PCDH15: variants seen among roughly 807,000 people sequenced by gnomAD.
The protein encoded by PCDH15 is protocadherin-15.
A neutral mutation model predicts 178.5 loss-of-function variants in PCDH15; 129 were observed. The ratio of observed to expected loss-of-function variants is 0.72; its 90% confidence interval spans 0.63 to 0.84. The LOEUF (loss-of-function observed/expected upper bound fraction) is 0.84. Among genes scored for constraint, PCDH15 ranks in the 40% least tolerant of loss-of-function variants. PCDH15 has a pLI of 0.00. For missense variants in PCDH15, 2,230 were observed against 2,099.9 expected (o/e 1.06, Z -1.21); for synonymous variants, 800 against 732.0 (o/e 1.09, Z -1.50).
chr10:55,224,220 C>CA (rs55856467), intron 1 of PCDH15, among the ~76,000 whole-genome samples: 4 of 151,854 alleles, frequency 2.6e-5, no homozygotes, highest in African/African-American at 7.3e-5. Context: ...AAAAACAAAA[C>CA]AAAAAAACAA....
At chr10:54,748,256 T>C (rs900494342) in intron 1 of PCDH15, among the ~76,000 whole-genome samples, 2 of 152,200 alleles carry the variant, frequency 1.3e-5, no homozygotes, top group African/African-American at 4.8e-5. Context: ...TGATAATTAA[T>C]GTTGAAACAC....
Position 55,554,984 on chromosome 10 carries a change from G to A in PCDH15, c.-156+72641C>T, listed in dbSNP as rs568435543. The stretch of plus-strand genomic sequence containing the variant: ...CCCTGAAAAGGGTTTATGGGTTTGG[G>A]AAAGTCTAGAAAAGTTAATTAGAAG... On this transcript the variant is annotated intron_variant, in intron 2 of 5. Coordinates refer to the PCDH15 transcript ENST00000613346. Among the ~76,000 whole-genome samples the A allele has an allele frequency of 5.8e-3, 881 of 152,094 alleles. 4 individuals carry two copies. The highest frequency in any genetic ancestry group is 9.7e-3 in the Non-Finnish European group (660 of 67,928).
chr10:54,148,066 G>A (rs1489763319), intron 14 of PCDH15, among the ~76,000 whole-genome samples: 1 of 151,952 alleles, frequency 6.6e-6, no homozygotes, highest in Admixed American at 6.6e-5. Flanking sequence ...AAGGTATCTG[G>A]TCCTAGTGTA....
rs144332001 is a variant in PCDH15, at chr10:54,838,410, T to C, written c.-29+59040A>G. Among the ~76,000 whole-genome samples, 58 of 152,306 alleles carry C rather than the reference T, an allele frequency of 3.8e-4. 2 individuals carry two copies. In the East Asian group the frequency reaches 9.5e-3, roughly 25 times the overall value. On this transcript the variant is annotated intron_variant, in intron 3 of 5. Coordinates refer to the PCDH15 transcript ENST00000458638. ...TTACATGCTTTCCCACCTGCCATTA[T>C]GCAAGAGGTGCCTTTGCTTCTCCTT...
intron 9 of PCDH15, among the ~76,000 whole-genome samples, chr10:54,224,095 A>G (rs1458827767): frequency 6.6e-6 from 1 of 152,188 alleles, no homozygotes; most frequent in South Asian, 2.1e-4. Flanking sequence ...TAAAATTAGT[A>G]AGCTGATTAA....
chr10:54,609,584 CA>C lies in PCDH15; in HGVS notation c.91+54587del, dbSNP rs1171798966. Among the ~76,000 whole-genome samples the C allele has an allele frequency of 3.9e-5, 6 of 152,042 alleles. No homozygotes were observed. In the South Asian group the frequency reaches 1.2e-3, roughly 32 times the overall value. On this transcript the variant is annotated intron_variant, in intron 2 of 37. Coordinates refer to ENST00000644397, the MANE Select transcript of PCDH15 (RefSeq NM_001384140.1). ...AAAATCTCCATCTATCAACAAAGGCCATTAAAGACCATAAAATAACCCATCC... is the reference window on the plus strand; with the variant it reads ...AAAATCTCCATCTATCAACAAAGGCCTTAAAGACCATAAAATAACCCATCC...
intron 23 of PCDH15, among the ~76,000 whole-genome samples, chr10:53,948,598 C>G (rs2086765578): frequency 6.6e-6 from 1 of 152,082 alleles, no homozygotes; most frequent in Non-Finnish European, 1.5e-5. Context: ...AAATGAATGA[C>G]TTATCCATTA....
intron 1 of PCDH15, among the ~76,000 whole-genome samples, chr10:55,259,824 C>G (rs903952965): frequency 1.5e-5 from 2 of 135,394 alleles, no homozygotes; most frequent in African/African-American, 5.6e-5. Context: ...ATTGCTTGAA[C>G]CTGGGAGGCA....
At chr10:54,014,830 C>A (rs931813373) in intron 20 of PCDH15, among the ~76,000 whole-genome samples, 2 of 152,138 alleles carry the variant, frequency 1.3e-5, no homozygotes, top group African/African-American at 2.4e-5. Context: ...AAGCTGGAGG[C>A]ATTCTCCTTG....
chr10:55,077,840 C>G (rs540537727), intron 2 of PCDH15, among the ~76,000 whole-genome samples: 15 of 152,262 alleles, frequency 9.9e-5, no homozygotes, highest in Non-Finnish European at 1.9e-4. Flanking sequence ...AGCCACCGTG[C>G]CCGGCCAGTG....
chr10:54,930,191 T>C (rs1837736465), intron 2 of PCDH15, among the ~76,000 whole-genome samples: 1 of 152,076 alleles, frequency 6.6e-6, no homozygotes, highest in South Asian at 2.1e-4. Context: ...AAGTAAAAAA[T>C]CCATTTGCAT....
At chr10:54,459,117 G>GAA (rs933525596) in intron 3 of PCDH15, among the ~76,000 whole-genome samples, 29 of 151,910 alleles carry the variant, frequency 1.9e-4, no homozygotes, top group African/African-American at 7.0e-4. Context: ...CAGAGAGAGA[G>GAA]AAACAGAGAA....
At chr10:54,577,019 G>A (rs1025616465) in intron 2 of PCDH15, among the ~76,000 whole-genome samples, 22 of 152,070 alleles carry the variant, frequency 1.4e-4, no homozygotes, top group Non-Finnish European at 1.0e-4. Context: ...ACACCTAGGG[G>A]ATTGAGGTGT....
intron 2 of PCDH15, among the ~76,000 whole-genome samples, chr10:55,407,985 G>A (rs986386020): frequency 2.0e-5 from 3 of 151,930 alleles, no homozygotes; most frequent in Non-Finnish European, 4.4e-5. Context: ...GGGATCAAAG[G>A]AGATCTCACA....
chr10:53,999,010 G>A (rs900119563), intron 20 of PCDH15, among the ~76,000 whole-genome samples: 6 of 143,816 alleles, frequency 4.2e-5, no homozygotes, highest in Middle Eastern at 3.9e-3. Context: ...CCGAGATCGC[G>A]CCATTGCACT....
intron 2 of PCDH15, among the ~76,000 whole-genome samples, chr10:54,917,708 T>C (rs989377596): frequency 6.6e-5 from 10 of 152,068 alleles, no homozygotes; most frequent in African/African-American, 2.4e-4. Context: ...AGACTAGAGG[T>C]GGTCTCCAGA....
intron 3 of PCDH15, among the ~76,000 whole-genome samples, chr10:54,862,360 C>T (rs1953857658): frequency 6.6e-6 from 1 of 152,126 alleles, no homozygotes; most frequent in Non-Finnish European, 1.5e-5. Context: ...TAAAGTACAA[C>T]AATATAAAAC....
rs58866288 is a variant in PCDH15 at position 55,432,082 on chromosome 10, AAC to A, written c.-156+195541_-156+195542del. Among the ~76,000 whole-genome samples the A allele has an allele frequency of 6.3e-3, 934 of 148,446 alleles. 12 individuals are homozygous for A. The highest frequency in any genetic ancestry group is 0.02 in the African/African-American group (823 of 40,656). On this transcript the variant is annotated intron_variant, in intron 2 of 5. Transcript: ENST00000613346. ...TTGGGATAGGCAGAGCTATCATTTA[AAC>A]ACACACACACACACACACACACACA...
At chr10:54,432,493 T>C (rs1205251355) in intron 3 of PCDH15, among the ~76,000 whole-genome samples, 1 of 152,100 alleles carries the variant, frequency 6.6e-6, no homozygotes, top group African/African-American at 2.4e-5. Flanking sequence ...ATAGTCTCTT[T>C]AAAATATGGC....
Sources: gnomAD v4.1 joint callset for allele counts (sites outside exome capture counted in the v4.1 genomes callset) on GRCh38, gnomAD v4.1.1 for gene constraint, MANE v1.5 for transcripts, NCBI Gene and HGNC (gene_info 2026-07-23, HGNC 2026-07-21) for gene names.